MCPH1: variants seen among roughly 807,000 people sequenced by gnomAD.
MCPH1 encodes microcephalin 1, also known as microcephalin.
MCPH1 carries 104 observed loss-of-function variants against 84.5 expected under a neutral mutation model. The observed-to-expected ratio is 1.23, with a 90% confidence interval of 1.05 to 1.45. The LOEUF (loss-of-function observed/expected upper bound fraction) is 1.45, where lower values mean the gene tolerates loss of function less well. Ranked by LOEUF, MCPH1 falls within the 40% of genes most tolerant of loss-of-function variation. The pLI is 0.00. For missense variants in MCPH1, 1,498 were observed against 1,005.7 expected, an observed-to-expected ratio of 1.49 and a Z score of -6.62; for synonymous variants, 514 against 366.8, an observed-to-expected ratio of 1.40 and a Z score of -4.58.
At chr8:6,448,629 G>T (rs912614186) in intron 8 of MCPH1, among the ~76,000 whole-genome samples, 10 of 152,186 alleles carry the variant, frequency 6.6e-5, no homozygotes, top group Non-Finnish European at 1.2e-4. Context: ...CACATTTCTT[G>T]TGTGTGTGTC....
At position 6,406,704 on chromosome 8, in the gene MCPH1, G is replaced by A; in HGVS notation, c.22+15G>A. 1 of 1,611,962 alleles carries A rather than the reference G, an allele frequency of 6.2e-7. No homozygotes were observed. The highest frequency in any genetic ancestry group is 8.5e-7 in the Non-Finnish European group (1 of 1,179,428). On this transcript the variant is annotated intron_variant, in intron 1 of 13. Coordinates refer to ENST00000344683, the MANE Select transcript of MCPH1 (RefSeq NM_024596.5). ...CATCCTGAAAGGTGAGGTACTTCCT[G>A]CTGCCTGCTCCAGCAGCGGGAGTTT...
chr8:6,448,637 G>C (rs773203729), intron 8 of MCPH1, among the ~76,000 whole-genome samples: 1 of 152,180 alleles, frequency 6.6e-6, no homozygotes, highest in Non-Finnish European at 1.5e-5. Flanking sequence ...TTGTGTGTGT[G>C]TCTACAAGCA....
intron 9 of MCPH1, among the ~76,000 whole-genome samples, chr8:6,468,589 G>A (rs1179721367): frequency 6.6e-6 from 1 of 150,750 alleles, no homozygotes; most frequent in Admixed American, 6.6e-5. Flanking sequence ...TGGTGCAGAT[G>A]TATTGTTTGA....
chr8:6,637,375 G>T (rs1046319984), intron 13 of MCPH1, among the ~76,000 whole-genome samples: 3 of 152,194 alleles, frequency 2.0e-5, no homozygotes, highest in Non-Finnish European at 4.4e-5. Flanking sequence ...GAGAAGGATG[G>T]ACTCTTGTAG....
intron 7 of MCPH1, 152 bp from the exon 8 acceptor site, chr8:6,444,241 C>T (rs754376730): frequency 1.2e-6 from 1 of 852,402 alleles, no homozygotes; most frequent in Non-Finnish European, 1.8e-6. Context: ...TAAAATGTAC[C>T]CTTAAGTGGA....
At chr8:6,503,342 C>G in intron 12 of MCPH1, 1 of 1,482,612 alleles carries the variant, frequency 6.7e-7, no homozygotes. Flanking sequence ...TCAGCTAAGG[C>G]AGGAGGCACA....
At chr8:6,426,228 C>G (rs1304391099) in intron 3 of MCPH1, among the ~76,000 whole-genome samples, 2 of 152,092 alleles carry the variant, frequency 1.3e-5, no homozygotes, top group African/African-American at 4.8e-5. Flanking sequence ...TAAAATGGAC[C>G]CATTTTAAGT....
chr8:6,436,508 C>G (rs1185320851), intron 5 of MCPH1, among the ~76,000 whole-genome samples: 1 of 151,796 alleles, frequency 6.6e-6, no homozygotes, highest in African/African-American at 2.4e-5. Flanking sequence ...GTATTTTTAC[C>G]TAATTGGCAT....
intron 12 of MCPH1, among the ~76,000 whole-genome samples, chr8:6,548,272 G>C (rs778178325): frequency 3.3e-5 from 5 of 152,154 alleles, no homozygotes; most frequent in Non-Finnish European, 4.4e-5. Flanking sequence ...GGCATTTTCA[G>C]GTGGTGTGTG....
intron 12 of MCPH1, among the ~76,000 whole-genome samples, chr8:6,559,292 C>T (rs558968689): frequency 6.6e-5 from 10 of 151,048 alleles, no homozygotes; most frequent in South Asian, 2.1e-4. Context: ...GTGGGGCTAG[C>T]GGGCTGGGTT....
chr8:6,577,933 G>C (rs1299839563), intron 12 of MCPH1, among the ~76,000 whole-genome samples: 3 of 152,206 alleles, frequency 2.0e-5, no homozygotes, highest in African/African-American at 7.2e-5. Flanking sequence ...ACCCTTCCGA[G>C]ATGGAGTGTC....
At chr8:6,447,450 G>A (rs1336940622) in intron 8 of MCPH1, 4 of 983,842 alleles carry the variant, frequency 4.1e-6, no homozygotes, top group East Asian at 1.1e-4. Flanking sequence ...CAGTATCTAA[G>A]ATACAGTGTA....
In MCPH1 at chr8:6,477,722, A is replaced by G. The variant is rs771094572; in HGVS notation, c.1973+91A>G. 6.4e-5 allele frequency: 61 copies of G among 957,322 alleles called. No homozygotes were observed. The Middle Eastern group carries it at 6.8e-4, about 11-fold the overall frequency. 59.3% of individuals were successfully genotyped at this position (957,322 alleles called of 1,614,324 possible). On this transcript the variant is annotated intron_variant, in intron 10 of 13. Coordinates refer to ENST00000344683, the MANE Select transcript of MCPH1 (RefSeq NM_024596.5). ...CTGGGTGCCTTTAGGCAACTTGTCA[A>G]TCTGTCCTGTATCACTTTTACTTTA...
intron 12 of MCPH1, chr8:6,521,463 TA>T: frequency 1.6e-6 from 2 of 1,263,088 alleles, no homozygotes; most frequent in East Asian, 4.9e-5. Context: ...TGAAATATTT[TA>T]TATTTATTGA....
intron 12 of MCPH1, among the ~76,000 whole-genome samples, chr8:6,601,545 A>ACC (rs59492024): frequency 0.086 from 12,335 of 144,182 alleles, 717 homozygotes; most frequent in African/African-American, 0.17. Context: ...ACACACACAC[A>ACC]CCCCTACGCA....
intron 13 of MCPH1, among the ~76,000 whole-genome samples, chr8:6,636,736 T>C (rs925128765): frequency 6.6e-6 from 1 of 152,170 alleles, no homozygotes; most frequent in Non-Finnish European, 1.5e-5. Flanking sequence ...TAAATGAATT[T>C]TGGTTTTAGA....
chr8:6,536,079 T>A (rs1184379513), intron 12 of MCPH1, among the ~76,000 whole-genome samples: 1 of 151,970 alleles, frequency 6.6e-6, no homozygotes, highest in Non-Finnish European at 1.5e-5. Context: ...AAATTAAAAT[T>A]AAAAGTAAAA....
intron 12 of MCPH1, among the ~76,000 whole-genome samples, chr8:6,544,947 G>T (rs1440001214): frequency 6.6e-6 from 1 of 152,140 alleles, no homozygotes; most frequent in Non-Finnish European, 1.5e-5. Flanking sequence ...TTATTATTTT[G>T]ATTTTTAAAT....
At position 6,410,970 on chromosome 8, in the gene MCPH1, G is replaced by C. The variant is rs948270688; in HGVS notation, c.114+1600G>C. On this transcript the variant is annotated intron_variant, in intron 2 of 13. Transcript: ENST00000344683. ...CCAGGTGTGGTGGCACACACCTGTA[G>C]TCTCAGTGATTCGGGAGGCTGAGGC... Among the ~76,000 whole-genome samples the C allele has an allele frequency of 2.6e-5, 4 of 152,224 alleles. No homozygotes were observed. In the East Asian group the frequency reaches 7.7e-4, roughly 29 times the overall value.
Sources: gnomAD v4.1 joint callset for allele counts (sites outside exome capture counted in the v4.1 genomes callset) on GRCh38, gnomAD v4.1.1 for gene constraint, MANE v1.5 for transcripts, NCBI Gene and HGNC (gene_info 2026-07-23, HGNC 2026-07-21) for gene names.